Variants in LYSMD2 observed in about 807,000 individuals in gnomAD.
LYSMD2 encodes the protein LysM domain containing 2.
In LYSMD2, 6 loss-of-function variants were observed where a neutral mutation model predicts 17.7. The observed-to-expected ratio is 0.34, with a 90% confidence interval of 0.19 to 0.67. The LOEUF (loss-of-function observed/expected upper bound fraction) is 0.67, where lower values mean the gene tolerates loss of function less well. LYSMD2 is among the 30% of genes least tolerant of loss of function. The pLI is 0.69. For synonymous variants in LYSMD2, 102 were observed against 129.8 expected (o/e 0.79, Z 1.45); for missense variants, 237 against 286.7 (o/e 0.83, Z 1.25).
At chr15:51,729,863 A>C (rs1189846307) in intron 1 of LYSMD2, among the ~76,000 whole-genome samples, 2 of 152,230 alleles carry the variant, frequency 1.3e-5, no homozygotes, top group African/African-American at 4.8e-5. Context: ...TCCAAGGAAG[A>C]GCTGGAAAAC....
intron 2 of LYSMD2, 91 bp downstream of exon 2, chr15:51,724,688 AAAAGAAAAGGC>A (rs1436141337): frequency 1.5e-6 from 1 of 658,930 alleles, no homozygotes; most frequent in African/African-American, 1.9e-5. Context: ...GAAAGAAAAG[AAAAGAAAAGGC>A]AAAGAAAAGA....
At chr15:51,738,780 A>T (rs73405377), upstream of LYSMD2, among the ~76,000 whole-genome samples, 1,522 of 152,282 alleles carry the variant, frequency 1.0e-2, 17 homozygotes, top group African/African-American at 0.022. Flanking sequence ...ATGGGAGAGG[A>T]GCAAGCTTCC....
Position 51,737,248 on chromosome 15 carries a change from A to AACCCCCCC in LYSMD2, c.273+101_273+102insGGGGGGGT. 1 of 256,464 alleles carries AACCCCCCC rather than the reference A, an allele frequency of 3.9e-6. No individual in the cohort carries two copies. Among genetic ancestry groups the AACCCCCCC allele is most frequent in the Non-Finnish European group, 6.9e-6 (1 of 145,486 alleles). 15.9% of individuals were successfully genotyped at this position (256,464 alleles called of 1,614,324 possible). ...GTCCCTGCGACTCCCCATCCCCCAA[A>AACCCCCCC]CCCCCACCCGCAGTCCCACCCCCAC... On this transcript the variant is annotated intron_variant, in intron 1 of 2. Transcript: ENST00000267838. The surrounding 1 kb of genome is among the most constrained non-coding windows in gnomAD (Gnocchi z 4.2).
At chr15:51,736,192 C>G (rs1359749840) in intron 1 of LYSMD2, among the ~76,000 whole-genome samples, 1 of 152,210 alleles carries the variant, frequency 6.6e-6, no homozygotes, top group East Asian at 1.9e-4. Flanking sequence ...GCCTGCCACA[C>G]AGGAGGCATT....
chr15:51,739,058 T>A (rs1234282000), upstream of LYSMD2, among the ~76,000 whole-genome samples: 1 of 152,202 alleles, frequency 6.6e-6, no homozygotes, highest in Non-Finnish European at 1.5e-5. Flanking sequence ...TGTTTAAATC[T>A]TTAAGGTCTG....
At chr15:51,733,850 A>G (rs1392538258) in intron 1 of LYSMD2, among the ~76,000 whole-genome samples, 1 of 152,118 alleles carries the variant, frequency 6.6e-6, no homozygotes, top group African/African-American at 2.4e-5. Context: ...CCAAGGAAGA[A>G]CAGTGCTTTG....
At chr15:51,741,932 A>G (rs1472242527), upstream of LYSMD2, among the ~76,000 whole-genome samples, 1 of 149,600 alleles carries the variant, frequency 6.7e-6, no homozygotes, top group African/African-American at 2.4e-5. Context: ...AAAAATAATA[A>G]TTAAATATAT....
Position 51,737,387 on chromosome 15 carries a change from TC to T in LYSMD2, c.235del (p.Asp79ThrfsTer31). The T allele has an allele frequency of 6.9e-7, 1 of 1,457,274 alleles. No homozygotes were observed. The highest frequency in any genetic ancestry group is 9.0e-7 in the Non-Finnish European group (1 of 1,110,220). The allele number at this position is 1,457,274 out of a possible 1,614,324, so 90.3% of individuals were successfully genotyped here. The stretch of plus-strand genomic sequence containing the variant: ...CTTGAGCGCGATGCCCTGCAGCGTG[TC>T]GCCCGCGCGGACCCGGTGCTCCACA... The part of the protein sequence containing the change: ...RHVEHRVRAG[D>X]TLQGIALKYG... On this transcript the variant is annotated frameshift_variant, in exon 1 of 3. Coordinates refer to ENST00000267838, the MANE Select transcript of LYSMD2 (RefSeq NM_153374.3). LOFTEE classifies it high-confidence loss of function. This position sits in a 1 kb window ranked among gnomAD's most constrained non-coding sequence, Gnocchi z 4.2.
chr15:51,734,257 C>G (rs903319509), intron 1 of LYSMD2, among the ~76,000 whole-genome samples: 13 of 152,134 alleles, frequency 8.5e-5, no homozygotes, highest in African/African-American at 3.1e-4. Flanking sequence ...CCCATAGATC[C>G]AATGTCAGCT....
At chr15:51,731,214 G>A (rs2055574671) in intron 1 of LYSMD2, among the ~76,000 whole-genome samples, 1 of 152,120 alleles carries the variant, frequency 6.6e-6, no homozygotes, top group Non-Finnish European at 1.5e-5. Flanking sequence ...CACTTAAGAT[G>A]GGTGAATTTT....
At chr15:51,734,289 G>A (rs998203377) in intron 1 of LYSMD2, among the ~76,000 whole-genome samples, 1 of 152,100 alleles carries the variant, frequency 6.6e-6, no homozygotes, top group Non-Finnish European at 1.5e-5. Flanking sequence ...TTTTTAGTTT[G>A]CCCCAGAGTA....
chr15:51,737,417 C>A lies in LYSMD2; in HGVS notation c.206G>T (p.Arg69Leu). 1 of 1,445,288 alleles carries A rather than the reference C, an allele frequency of 6.9e-7. No homozygotes were observed. Among genetic ancestry groups the A allele is most frequent in the South Asian group, 1.3e-5 (1 of 74,602 alleles). 89.5% of individuals were successfully genotyped at this position (1,445,288 alleles called of 1,614,324 possible). ...RAPLGAGVIE[R>L]HVEHRVRAGD... ...CGCGCGGACCCGGTGCTCCACATGG[C>A]GCTCGATGACGCCGGCGCCCAGCGG... Residue 69 changes from arginine to leucine, a missense_variant, in exon 1 of 3, where the codon CGC becomes CTC. Coordinates refer to ENST00000267838, the MANE Select transcript of LYSMD2 (RefSeq NM_153374.3). This position sits in a 1 kb window ranked among gnomAD's most constrained non-coding sequence, Gnocchi z 4.2.
At chr15:51,729,182 G>T (rs2055560415) in intron 1 of LYSMD2, among the ~76,000 whole-genome samples, 1 of 152,258 alleles carries the variant, frequency 6.6e-6, no homozygotes, top group Non-Finnish European at 1.5e-5. Flanking sequence ...AAAAAATCAT[G>T]TGGCTAAAGT....
intron 1 of LYSMD2, among the ~76,000 whole-genome samples, 165 bp from the exon 2 acceptor site, chr15:51,725,286 G>C (rs546039571): frequency 6.6e-6 from 1 of 152,308 alleles, no homozygotes; most frequent in South Asian, 2.1e-4. Flanking sequence ...GATATCTCTA[G>C]TTATTTCAAG....
chr15:51,735,406 A>G (rs1195327264), intron 1 of LYSMD2, among the ~76,000 whole-genome samples: 1 of 152,164 alleles, frequency 6.6e-6, no homozygotes, highest in Non-Finnish European at 1.5e-5. Flanking sequence ...GGGGTGGGAG[A>G]GTGCTACTGG....
chr15:51,744,959 AAAG>A (rs1250293587), intron 1 of LYSMD2, among the ~76,000 whole-genome samples: 1 of 152,174 alleles, frequency 6.6e-6, no homozygotes, highest in Non-Finnish European at 1.5e-5. Flanking sequence ...AGAGAAATAA[AAAG>A]AATAATAAAG....
At chr15:51,740,725 T>C (rs1240106048), upstream of LYSMD2, among the ~76,000 whole-genome samples, 1 of 151,932 alleles carries the variant, frequency 6.6e-6, no homozygotes, top group Non-Finnish European at 1.5e-5. Flanking sequence ...ACATTCCACA[T>C]ACCACCAAAA....
exon 1 of LYSMD2, chr15:51,751,335 C>G: frequency 1.4e-6 from 1 of 702,148 alleles, no homozygotes; most frequent in Non-Finnish European, 2.6e-6. Flanking sequence ...TCATCACAGG[C>G]TTGAAAGCCT....
chr15:51,750,084 C>A (rs7181540), intron 1 of LYSMD2, among the ~76,000 whole-genome samples: 61,681 of 152,024 alleles, frequency 0.41, 12,663 homozygotes, highest in Middle Eastern at 0.46. Context: ...CCCTATTTTG[C>A]AATGTGCAAA....
Sources: gnomAD v4.1 joint callset for allele counts (sites outside exome capture counted in the v4.1 genomes callset) on GRCh38, gnomAD v4.1.1 for gene constraint, Gnocchi (gnomAD v3.1) non-coding constraint, MANE v1.5 for transcripts, NCBI Gene and HGNC (gene_info 2026-07-23, HGNC 2026-07-21) for gene names.